PCLO: variants seen among roughly 807,000 people sequenced by gnomAD.
PCLO encodes the protein protein piccolo.
In PCLO, 82 loss-of-function variants were observed where a neutral mutation model predicts 427.5. The ratio of observed to expected loss-of-function variants is 0.19; its 90% CI spans 0.16 to 0.23. PCLO has a LOEUF of 0.23. Ranked by LOEUF, PCLO falls within the 10% of genes least tolerant of loss-of-function variation. The pLI is 1.00. For missense variants in PCLO, 6,239 were observed against 6,115.9 expected, an observed-to-expected ratio of 1.02 and a Z score of -0.67; for synonymous variants, 2,357 against 2,155.4, an observed-to-expected ratio of 1.09 and a Z score of -2.59.
At chr7:83,057,679 T>C (rs1485048470) in intron 3 of PCLO, among the ~76,000 whole-genome samples, 1 of 151,788 alleles carries the variant, frequency 6.6e-6, no homozygotes, top group Non-Finnish European at 1.5e-5. Flanking sequence ...TTTTAAATAA[T>C]ATTCTTCTTA....
chr7:82,865,483 G>A (rs900299885), intron 10 of PCLO, among the ~76,000 whole-genome samples: 6 of 152,052 alleles, frequency 3.9e-5, no homozygotes, highest in Admixed American at 1.3e-4. Context: ...GCAAGATGCC[G>A]TCTCAGAAAA....
chr7:83,024,155 G>C (rs138592301), intron 3 of PCLO, among the ~76,000 whole-genome samples: 2 of 152,192 alleles, frequency 1.3e-5, no homozygotes, highest in African/African-American at 2.4e-5. Context: ...CGTGAGCGAC[G>C]CAGAAGACGG....
At chr7:82,822,895 T>C (rs1791830818) in intron 19 of PCLO, among the ~76,000 whole-genome samples, 1 of 152,072 alleles carries the variant, frequency 6.6e-6, no homozygotes, top group Non-Finnish European at 1.5e-5. Flanking sequence ...ATGATAGCAA[T>C]GAGAAGAGAG....
At chr7:82,919,113 C>T (rs1794536769) in intron 6 of PCLO, among the ~76,000 whole-genome samples, 1 of 151,948 alleles carries the variant, frequency 6.6e-6, no homozygotes. Flanking sequence ...CAAATACTGA[C>T]CAATCACTAT....
intron 22 of PCLO, among the ~76,000 whole-genome samples, 154 bp downstream of exon 22, chr7:82,801,360 ACAGT>A (rs796416364): frequency 1.4e-4 from 22 of 151,966 alleles, no homozygotes; most frequent in African/African-American, 5.1e-4. Context: ...TAAAATGAAT[ACAGT>A]CATTCTCATT....
In PCLO at chr7:83,135,497, T is replaced by C. The variant is rs774171826; in HGVS notation, c.2053A>G (p.Lys685Glu). 1 of 1,613,674 alleles carries C rather than the reference T, an allele frequency of 6.2e-7. No homozygotes were observed. Among genetic ancestry groups the C allele is most frequent in the South Asian group, 1.1e-5 (1 of 91,064 alleles). The change falls in exon 3 of 25, where the codon AAG becomes GAG. Residue 685 changes from lysine (K) to glutamate (E), a missense_variant. Coordinates refer to ENST00000333891, the MANE Select transcript of PCLO (RefSeq NM_033026.6). ...TCCTGTTTTGGTGCAGCATCCTTCT[T>C]TGGGGAAGTCTGCTGTGGCTGTGGG... is the stretch of plus-strand genomic sequence containing the variant. ...SSPQPQQTSP[K>E]KDAAPKQDLS...
At chr7:83,085,851 T>C (rs925634669) in intron 3 of PCLO, among the ~76,000 whole-genome samples, 3 of 152,188 alleles carry the variant, frequency 2.0e-5, no homozygotes, top group Non-Finnish European at 4.4e-5. Context: ...TTTTCATTTG[T>C]GGTATTATAG....
intron 3 of PCLO, among the ~76,000 whole-genome samples, chr7:83,110,440 C>T (rs1329421772): frequency 6.6e-6 from 1 of 151,960 alleles, no homozygotes. Context: ...ATGCCCTCTC[C>T]TAGTTTTCCC....
At chr7:83,151,803 A>C (rs1792137053) in intron 2 of PCLO, among the ~76,000 whole-genome samples, 2 of 152,142 alleles carry the variant, frequency 1.3e-5, no homozygotes, top group Admixed American at 6.5e-5. Flanking sequence ...TCTGTTTGTG[A>C]ATATACTATC....
chr7:83,109,913 G>T (rs1243689472), intron 3 of PCLO, among the ~76,000 whole-genome samples: 1 of 151,760 alleles, frequency 6.6e-6, no homozygotes, highest in Non-Finnish European at 1.5e-5. Flanking sequence ...CAGTTTTGCA[G>T]ATAAATCTCA....
intron 3 of PCLO, among the ~76,000 whole-genome samples, chr7:83,071,828 T>C (rs1789824526): frequency 6.6e-6 from 1 of 152,162 alleles, no homozygotes; most frequent in Non-Finnish European, 1.5e-5. Flanking sequence ...GGAAGATGAA[T>C]GATTAAAGAA....
rs755488211 is a variant in PCLO at position 82,838,219 on chromosome 7, C to T, written c.14221G>A (p.Gly4741Ser). The change falls in exon 15 of 25, where the codon GGT becomes AGT. Residue 4741 changes from glycine to serine, a missense_variant and splice_region_variant. By Grantham distance (56) the Gly-to-Ser change is moderately conservative. Coordinates refer to ENST00000333891, the MANE Select transcript of PCLO (RefSeq NM_033026.6). The part of the protein sequence containing the change: ...FVKVYLLPGR[G>S]QVMVVQNASA... ...GAAGTACTTCTTAATTTTACTTACCCTCTCCCTGGAAGAAGGTACACTTTC... is the reference window on the plus strand; with the variant it reads ...GAAGTACTTCTTAATTTTACTTACCTTCTCCCTGGAAGAAGGTACACTTTC... The T allele has an allele frequency of 1.3e-6, 2 of 1,596,152 alleles. No individual in the cohort carries two copies. Among genetic ancestry groups the T allele is most frequent in the Admixed American group, 3.4e-5 (2 of 58,830 alleles).
At chr7:82,891,177 CA>C (rs1219417303) in intron 9 of PCLO, among the ~76,000 whole-genome samples, 1 of 152,036 alleles carries the variant, frequency 6.6e-6, no homozygotes, top group Non-Finnish European at 1.5e-5. Context: ...CACATATTGC[CA>C]GTGTTGGAAA....
At chr7:82,776,888 G>C (rs535157678) in intron 22 of PCLO, among the ~76,000 whole-genome samples, 1 of 150,032 alleles carries the variant, frequency 6.7e-6, no homozygotes, top group African/African-American at 2.5e-5. Context: ...ATATATGTGT[G>C]TGTATATATA....
At chr7:82,816,131 C>T (rs540987786) in intron 20 of PCLO, among the ~76,000 whole-genome samples, 1 of 152,166 alleles carries the variant, frequency 6.6e-6, no homozygotes, top group South Asian at 2.1e-4. Context: ...TTACCCCATA[C>T]CCACGTTTCT....
intron 3 of PCLO, among the ~76,000 whole-genome samples, chr7:83,094,207 T>TTCC (rs1441903326): frequency 9.1e-6 from 1 of 110,100 alleles, no homozygotes; most frequent in African/African-American, 3.3e-5. Flanking sequence ...CTGATTTTTT[T>TTCC]TTCTTTTTTT....
chr7:83,057,067 G>C (rs1191519908), intron 3 of PCLO, among the ~76,000 whole-genome samples: 1 of 150,902 alleles, frequency 6.6e-6, no homozygotes, highest in African/African-American at 2.4e-5. Flanking sequence ...CTTTAAAAAT[G>C]CTTTTTCTTT....
rs575492636 is a variant in PCLO at position 82,970,688 on chromosome 7, A to C, written c.3301-4201T>G. On this transcript the variant is annotated intron_variant, in intron 3 of 24. Coordinates refer to ENST00000333891, the MANE Select transcript of PCLO (RefSeq NM_033026.6). Reference sequence around the variant, plus strand: ...GAGAACAAAGCCCTAGAGTAACACCAAAAATTTTACATTTCTTTAGATATA... The same window carrying C: ...GAGAACAAAGCCCTAGAGTAACACCCAAAATTTTACATTTCTTTAGATATA... Among the ~76,000 whole-genome samples the C allele has an allele frequency of 5.3e-5, 8 of 152,016 alleles. No individual in the cohort carries two copies. In the East Asian group the frequency reaches 1.5e-3, roughly 29 times the overall value.
Position 82,952,154 on chromosome 7 carries a change from G to A in PCLO, c.8799C>T (p.Thr2933=), listed in dbSNP as rs377071940. The A allele has an allele frequency of 5.0e-5, 80 of 1,588,644 alleles. No homozygotes were observed. In the East Asian group the frequency reaches 1.1e-3, roughly 21 times the overall value. The part of the protein sequence containing the change: ...IIEDEKPVDL[T]AGRRAVCCDV... ...CACAGCACACAGCTCTTCTCCCTGC[G>A]GTTAAATCAACGGGTTTTTCATCTT... is the stretch of plus-strand genomic sequence containing the variant. The change falls in exon 5 of 25, where the codon ACC becomes ACT. Residue 2933 remains threonine, a synonymous_variant. Coordinates refer to ENST00000333891, the MANE Select transcript of PCLO (RefSeq NM_033026.6).
Sources: gnomAD v4.1 joint callset for allele counts (sites outside exome capture counted in the v4.1 genomes callset) on GRCh38, gnomAD v4.1.1 for gene constraint, MANE v1.5 for transcripts, NCBI Gene and HGNC (gene_info 2026-07-23, HGNC 2026-07-21) for gene names.